The following TSBP1 variants were observed in gnomAD, a reference collection of about 807,000 sequenced individuals.
TSBP1 encodes the protein testis expressed basic protein 1.
Under a neutral mutation model 68.8 loss-of-function variants are expected in TSBP1, and 56 were observed. The observed-to-expected ratio is 0.81, with a 90% CI of 0.66 to 1.02. The LOEUF (loss-of-function observed/expected upper bound fraction) is 1.02, where lower values mean the gene tolerates loss of function less well. Among genes scored for constraint, TSBP1 ranks in the 50% least tolerant of loss-of-function variants. The probability of loss-of-function intolerance (pLI) is 0.00; values close to 1 mark genes in which losing one functional copy is unlikely to be tolerated. For missense variants in TSBP1, 502 were observed against 641.2 expected (o/e 0.78, Z 2.34); for synonymous variants, 171 against 208.7 (o/e 0.82, Z 1.56).
chr6:32,369,940 G>A, exon 2 of TSBP1: 1 of 1,612,294 alleles, frequency 6.2e-7, no homozygotes, highest in South Asian at 1.1e-5. Context: ...AAATAGCCAG[G>A]ATGGCAAGTC....
chr6:32,299,801 T>C (rs758697765), intron 22 of TSBP1, 121 bp downstream of exon 25: 24 of 787,288 alleles, frequency 3.0e-5, no homozygotes, highest in Non-Finnish European at 5.1e-5. Context: ...TTCTGGAAGA[T>C]AGGAACATTC....
intron 6 of TSBP1, among the ~76,000 whole-genome samples, chr6:32,362,120 C>A (rs1773101278): frequency 6.6e-6 from 1 of 151,938 alleles, no homozygotes; most frequent in African/African-American, 2.4e-5. Context: ...GAAACCCTGT[C>A]TCTACTAAAA....
chr6:32,308,429 T>C (rs2127572216), intron 19 of TSBP1, among the ~76,000 whole-genome samples: 1 of 150,740 alleles, frequency 6.6e-6, no homozygotes, highest in East Asian at 2.0e-4. Flanking sequence ...AAACCCCGTC[T>C]CTACTAAAAA....
chr6:32,370,855 AAG>A (rs1554214192), intron 1 of TSBP1, among the ~76,000 whole-genome samples: 3 of 150,112 alleles, frequency 2.0e-5, no homozygotes, highest in African/African-American at 2.5e-5. Context: ...AAAAAAAGAA[AAG>A]AGAGAGAGAG....
chr6:32,339,527 T>G (rs1286043886), intron 10 of TSBP1, 73 bp downstream of exon 11: 1 of 825,668 alleles, frequency 1.2e-6, no homozygotes. Flanking sequence ...AAATATCACA[T>G]GTATCCCATA....
At chr6:32,339,036 C>T (rs377709522) in intron 10 of TSBP1, 37 bp from the exon 12 acceptor site, 17 of 1,584,648 alleles carry the variant, frequency 1.1e-5, no homozygotes, top group Non-Finnish European at 1.5e-5. Context: ...TTGAAGAGAG[C>T]ATGACTCAAG....
chr6:32,321,059 T>A lies in TSBP1; in HGVS notation c.559+2058A>T, dbSNP rs376788641. On this transcript the variant is annotated intron_variant, in intron 18 of 22. Transcript: ENST00000612031. This position sits in a 1 kb window ranked among gnomAD's most constrained non-coding sequence, Gnocchi z 4.3. ...CGTAGTATTCCATGGTGTATATGTATCACATTTTCTTTATTCAGTCTACCA... is the reference window on the plus strand; with the variant it reads ...CGTAGTATTCCATGGTGTATATGTAACACATTTTCTTTATTCAGTCTACCA... 7.9e-5 allele frequency among the ~76,000 whole-genome samples: 12 copies of A among 152,296 alleles called. No individual in the cohort carries two copies. In the East Asian group the frequency reaches 2.1e-3, roughly 27 times the overall value.
In TSBP1 at chr6:32,333,515, G is replaced by A. The variant is rs1299349673; in HGVS notation, c.473-1461C>T. Among the ~76,000 whole-genome samples the A allele has an allele frequency of 1.3e-5, 2 of 152,154 alleles. No homozygotes were observed. Among genetic ancestry groups the A allele is most frequent in the African/African-American group, 4.8e-5 (2 of 41,422 alleles). ...GGAGATTTTAGTTCCTGGTGGATCT[G>A]TGGGGTTTCTAAGCTAGGTCAGCTC... On this transcript the variant is annotated intron_variant, in intron 14 of 22. Coordinates refer to ENST00000612031, the Ensembl canonical transcript of TSBP1. The surrounding 1 kb of genome is among the most constrained non-coding windows in gnomAD (Gnocchi z 4.2).
chr6:32,357,395 A>G lies in TSBP1; in HGVS notation c.218-1726T>C, dbSNP rs1772468155. On this transcript the variant is annotated intron_variant, in intron 6 of 22. Transcript: ENST00000612031. The surrounding 1 kb of genome is among the most constrained non-coding windows in gnomAD (Gnocchi z 4.7). ...GACTGCCTAAAATTTGGAATTAGAC[A>G]ATTCTAAATTCCTATCCAGGTTGTC... Among the ~76,000 whole-genome samples, 1 of 152,216 alleles carries G rather than the reference A, an allele frequency of 6.6e-6. No homozygotes were observed. The highest frequency in any genetic ancestry group is 1.5e-5 in the Non-Finnish European group (1 of 68,042).
intron 19 of TSBP1, among the ~76,000 whole-genome samples, chr6:32,307,922 T>C (rs1372638151): frequency 1.3e-5 from 2 of 151,974 alleles, no homozygotes; most frequent in Non-Finnish European, 2.9e-5. Flanking sequence ...ATGACAAGCA[T>C]GTGCCACCAT....
chr6:32,359,075 C>T (rs1393963021), intron 6 of TSBP1, among the ~76,000 whole-genome samples: 4 of 132,452 alleles, frequency 3.0e-5, no homozygotes, highest in East Asian at 2.3e-4. Flanking sequence ...CCCCTCCCCC[C>T]ACCCCACAGC....
chr6:32,370,078 T>TC, intron 1 of TSBP1, 95 bp from the exon 2 acceptor site: 2 of 637,228 alleles, frequency 3.1e-6, no homozygotes, highest in Non-Finnish European at 2.6e-6. Context: ...CCAGATAGAC[T>TC]TTTTTTCTTT....
At chr6:32,370,334 G>A (rs767353645) in intron 1 of TSBP1, among the ~76,000 whole-genome samples, 9 of 149,780 alleles carry the variant, frequency 6.0e-5, no homozygotes, top group Non-Finnish European at 1.5e-5. Context: ...ATCCACTGGG[G>A]TATGGGGAAA....
intron 9 of TSBP1, among the ~76,000 whole-genome samples, chr6:32,347,129 A>G (rs138455541): frequency 6.6e-6 from 1 of 151,060 alleles, no homozygotes; most frequent in East Asian, 2.0e-4. Context: ...AAATTATAAC[A>G]TTTTTAAAAA....
Position 32,365,674 on chromosome 6 carries a change from G to C in TSBP1, c.217+493C>G. ...ACATTTTTTCTGTGGGAGAAATTGT[G>C]GGCCAAGTGGGTCTGTCTCAGCATT... On this transcript the variant is annotated intron_variant, in intron 6 of 22. Coordinates refer to ENST00000612031, the Ensembl canonical transcript of TSBP1. This position sits in a 1 kb window ranked among gnomAD's most constrained non-coding sequence, Gnocchi z 4.3. 2.2e-6 allele frequency: 1 copy of C among 451,822 alleles called. No individual in the cohort carries two copies. Among genetic ancestry groups the C allele is most frequent in the South Asian group, 1.6e-5 (1 of 63,844 alleles). 28.0% of individuals were successfully genotyped at this position (451,822 alleles called of 1,614,324 possible). A position where few individuals can be genotyped will look rare whatever the true frequency, so the allele number is the denominator to read the frequency against.
chr6:32,361,806 T>C lies in TSBP1; in HGVS notation c.217+4361A>G, dbSNP rs1182992768. 1.3e-5 allele frequency among the ~76,000 whole-genome samples: 2 copies of C among 152,230 alleles called. No homozygotes were observed. Among genetic ancestry groups the C allele is most frequent in the African/African-American group, 2.4e-5 (1 of 41,452 alleles). Reference sequence around the variant, plus strand: ...GCTTTTGAGTTGTATGAGTTCCTTATATATTTTGGATATTACTGTGGTTTT... The same window carrying C: ...GCTTTTGAGTTGTATGAGTTCCTTACATATTTTGGATATTACTGTGGTTTT... On this transcript the variant is annotated intron_variant, in intron 6 of 22. Transcript: ENST00000612031. The surrounding 1 kb of genome is among the most constrained non-coding windows in gnomAD (Gnocchi z 4.3).
intron 17 of TSBP1, 162 bp downstream of exon 18, chr6:32,323,429 C>T (rs1484921008): frequency 1.4e-6 from 1 of 737,958 alleles, no homozygotes; most frequent in Non-Finnish European, 2.5e-6. Flanking sequence ...ACTTCTTTCT[C>T]AGGGAGAAGC....
chr6:32,295,076 T>C (rs905553169), intron 22 of TSBP1, among the ~76,000 whole-genome samples: 2 of 152,014 alleles, frequency 1.3e-5, no homozygotes, highest in Non-Finnish European at 2.9e-5. Flanking sequence ...TGGCTCACAC[T>C]TGTAATCCCA....
In TSBP1 at chr6:32,330,408, T is replaced by TA. The variant is rs566699989; in HGVS notation, c.514+180dup. On this transcript the variant is annotated intron_variant, in intron 16 of 22. Transcript: ENST00000612031. ...GGACATTTTCTTACTCTTTTTCTTT[T>TA]AAAAAAAATAGCCCTGGAGAATTCT... Among the ~76,000 whole-genome samples the TA allele has an allele frequency of 3.2e-4, 48 of 151,722 alleles. 1 individual carries two copies. Among genetic ancestry groups the TA allele is most frequent in the African/African-American group, 1.1e-3 (46 of 41,364 alleles).
Sources: allele counts gnomAD v4.1 joint callset (sites outside exome capture counted in the v4.1 genomes callset), GRCh38; gene constraint gnomAD v4.1.1; non-coding constraint Gnocchi (gnomAD v3.1); transcripts MANE v1.5; gene names NCBI Gene and HGNC (gene_info 2026-07-23, HGNC 2026-07-21).